The following TTN variants were observed in gnomAD, a reference collection of about 807,000 sequenced individuals.
The protein encoded by TTN is titin.
Under a neutral mutation model 3,223.0 loss-of-function variants are expected in TTN, and 1,525 were observed. That is an observed-to-expected ratio of 0.47 (90% confidence interval 0.45 to 0.49). TTN has a LOEUF of 0.49. Among genes scored for constraint, TTN ranks in the 20% least tolerant of loss-of-function variants. The pLI, the probability that TTN is intolerant of heterozygous loss-of-function variation, is 0.00. For synonymous variants in TTN, 14,094 were observed against 15,161.0 expected (o/e 0.93, Z 5.17); for missense variants, 40,786 against 43,424.0 (o/e 0.94, Z 5.40).
chr2:178,804,006 T>G (rs1215804254), intron 2 of TTN, among the ~76,000 whole-genome samples: 1 of 152,244 alleles, frequency 6.6e-6, no homozygotes, highest in African/African-American at 2.4e-5. Flanking sequence ...TGGAAAGTCT[T>G]TTAATTCATT....
intron 60 of TTN, 22 bp from the exon 61 acceptor site, chr2:178,730,814 A>C: frequency 6.5e-7 from 1 of 1,547,150 alleles, no homozygotes; most frequent in African/African-American, 1.4e-5. Context: ...AAAAGCAAAC[A>C]ACAACAAAAA....
Position 178,546,322 on chromosome 2 carries a change from C to T in TTN, c.95009G>A (p.Arg31670Gln), listed in dbSNP as rs750410616. 8.7e-6 allele frequency: 14 copies of T among 1,613,832 alleles called. No homozygotes were observed. The Admixed American group carries it at 1.3e-4, about 15-fold the overall frequency. ...ACAGAACTTGATCACAGCAGTTGCT[C>T]GTTTGCCAGTATACTGCAAAGAGAC... ...EKVSLQYTGK[R>Q]ATAVIKFCDR... Residue 31670 changes from arginine (R) to glutamine (Q), a missense_variant, in exon 342 of 363, where the codon CGA (arginine) becomes CAA (glutamine). By Grantham distance (43) the Arg-to-Gln change is conservative. Transcript: ENST00000589042.
chr2:178,770,203 T>C lies in TTN; in HGVS notation c.8498A>G (p.Glu2833Gly). Residue 2833 changes from glutamate (E) to glycine (G), a missense_variant, in exon 36 of 363, where the codon GAA (glutamate) becomes GGA (glycine). Glu to Gly is a moderately conservative substitution (Grantham distance 98). Transcript: ENST00000589042. ...TCTGTGTTTGTCACTTGGCTTAATT[T>C]CCACACTCTTATGGAACCATTTTAC... is the stretch of plus-strand genomic sequence containing the variant. ...VPVKWFHKSV[E>G]IKPSDKHRLV... 6.2e-7 allele frequency: 1 copy of C among 1,614,134 alleles called. No individual in the cohort carries two copies. Among genetic ancestry groups the C allele is most frequent in the Non-Finnish European group, 8.5e-7 (1 of 1,180,010 alleles).
rs367653049 is a variant in TTN at position 178,775,158 on chromosome 2, C to G, written c.6553G>C (p.Ala2185Pro). ...TFTQELQDVV[A>P]KEKDTMATFE... Reference sequence around the variant, plus strand: ...GTTGCCATAGTGTCTTTTTCCTTAGCAACAACATCTTGTAATTCCTGTGTG... The same window carrying G: ...GTTGCCATAGTGTCTTTTTCCTTAGGAACAACATCTTGTAATTCCTGTGTG... The change falls in exon 29 of 363, where the codon GCT becomes CCT. Residue 2185 changes from alanine (A) to proline (P), a missense_variant. By Grantham distance (27) the Ala-to-Pro change is conservative. Transcript: ENST00000589042. 6.2e-7 allele frequency: 1 copy of G among 1,613,762 alleles called. No homozygotes were observed. Among genetic ancestry groups the G allele is most frequent in the Non-Finnish European group, 8.5e-7 (1 of 1,179,960 alleles).
chr2:178,771,140 G>C, intron 34 of TTN, 71 bp downstream of exon 34: 2 of 1,607,054 alleles, frequency 1.2e-6, no homozygotes, highest in Non-Finnish European at 1.7e-6. Flanking sequence ...TGGCCATATC[G>C]TTTGTCTTTT....
chr2:178,562,811 G>T lies in TTN; in HGVS notation c.83321C>A (p.Thr27774Asn). The change falls in exon 326 of 363, where the codon ACC (threonine) becomes AAC (asparagine). Residue 27774 changes from threonine (T) to asparagine (N), a missense_variant. Thr to Asn is a moderately conservative substitution (Grantham distance 65). Coordinates refer to ENST00000589042, the MANE Select transcript of TTN (RefSeq NM_001267550.2). Reference sequence around the variant, plus strand: ...TGAGTCTTTCTTCACTTCTCTTATGGTCAAATTCACAGGGGCACTTGGTGA... The same window carrying T: ...TGAGTCTTTCTTCACTTCTCTTATGTTCAAATTCACAGGGGCACTTGGTGA... The part of the protein sequence containing the change: ...LDSPSAPVNL[T>N]IREVKKDSVT... The T allele has an allele frequency of 1.2e-6, 2 of 1,612,982 alleles. No individual in the cohort carries two copies. The highest frequency in any genetic ancestry group is 1.7e-6 in the Non-Finnish European group (2 of 1,179,500).
chr2:178,713,880 C>T lies in TTN; in HGVS notation c.26761+17G>A. 1 of 1,608,962 alleles carries T rather than the reference C, an allele frequency of 6.2e-7. No individual in the cohort carries two copies. Among genetic ancestry groups the T allele is most frequent in the Non-Finnish European group, 8.5e-7 (1 of 1,177,004 alleles). ...ATTATTATAATGATGAAGGAAAAGC[C>T]CAAGAAATCAACCAACCTGAAACCT... is the stretch of plus-strand genomic sequence containing the variant. On this transcript the variant is annotated intron_variant, in intron 92 of 362. Coordinates refer to ENST00000589042, the MANE Select transcript of TTN (RefSeq NM_001267550.2).
At chr2:178,786,934 A>G (rs945678469) in intron 13 of TTN, among the ~76,000 whole-genome samples, 4 of 152,192 alleles carry the variant, frequency 2.6e-5, no homozygotes, top group Non-Finnish European at 1.5e-5. Context: ...ATGAACATTA[A>G]TGGAAATACA....
At chr2:178,736,631 T>C (rs2081488760) in intron 49 of TTN, among the ~76,000 whole-genome samples, 1 of 152,202 alleles carries the variant, frequency 6.6e-6, no homozygotes, top group Non-Finnish European at 1.5e-5. Flanking sequence ...TTCTGCATCT[T>C]GAAGCCAGAC....
At position 178,533,408 on chromosome 2, in the gene TTN, G is replaced by C. The variant is rs773892755; in HGVS notation, c.103207C>G (p.Leu34403Val). 6.2e-7 allele frequency: 1 copy of C among 1,613,834 alleles called. No individual in the cohort carries two copies. The highest frequency in any genetic ancestry group is 1.1e-5 in the South Asian group (1 of 91,084). ...ATTTCAATGTTAGGCCCGAGGGACA[G>C]TGGCTGACCATCTTTCTCCCATTTT... The part of the protein sequence containing the change: ...TLKWEKDGQP[L>V]SLGPNIEIIH... The change falls in exon 358 of 363, where the codon CTG becomes GTG. Residue 34403 changes from leucine to valine, a missense_variant. Transcript: ENST00000589042.
Position 178,677,884 on chromosome 2 carries a change from A to G in TTN, c.34028T>C (p.Val11343Ala), listed in dbSNP as rs879120324. The G allele has an allele frequency of 3.1e-6, 5 of 1,609,350 alleles. No individual in the cohort carries two copies. The African/African-American group carries it at 6.7e-5, about 22-fold the overall frequency. The change falls in exon 146 of 363, where the codon GTA becomes GCA. Residue 11343 changes from valine (V) to alanine (A), a missense_variant. Coordinates refer to ENST00000589042, the MANE Select transcript of TTN (RefSeq NM_001267550.2). ...PKKREPVPVPVALPQEEEVLF... is the reference protein window; with the variant it reads ...PKKREPVPVPAALPQEEEVLF... The stretch of plus-strand genomic sequence containing the variant: ...AACTTCCTCTTCCTGAGGTAGAGCT[A>G]CAGGAACTGGAACTGGTTCACGTTT...
At chr2:178,689,704 C>A (rs2071832982) in intron 122 of TTN, 109 bp from the exon 123 acceptor site, 1 of 1,434,132 alleles carries the variant, frequency 7.0e-7, no homozygotes, top group Admixed American at 2.1e-5. Flanking sequence ...TCAGTTCTCA[C>A]CACAAAACAT....
At position 178,570,235 on chromosome 2, in the gene TTN, C is replaced by G. The variant is rs754354789; in HGVS notation, c.75897G>C (p.Lys25299Asn). 6 of 1,613,404 alleles carry G rather than the reference C, an allele frequency of 3.7e-6. No individual in the cohort carries two copies. In the South Asian group the frequency reaches 6.6e-5, roughly 18 times the overall value. Residue 25299 changes from lysine to asparagine, a missense_variant, in exon 326 of 363, where the codon AAG becomes AAC. Coordinates refer to ENST00000589042, the MANE Select transcript of TTN (RefSeq NM_001267550.2). The stretch of plus-strand genomic sequence containing the variant: ...GTGCATCTGGTACTACAAATGGATT[C>G]TTGGCAACTACTGGCTCAGATTCAA... ...EPLESEPVVA[K>N]NPFVVPDAPK...
intron 47 of TTN, chr2:178,745,898 G>A: frequency 6.2e-7 from 1 of 1,611,902 alleles, no homozygotes; most frequent in Non-Finnish European, 8.5e-7. Context: ...AAAACTGTCT[G>A]TGTAGTTGCT....
chr2:178,681,425 T>A lies in TTN; in HGVS notation c.33198A>T (p.Glu11066Asp). 1.2e-6 allele frequency: 2 copies of A among 1,612,372 alleles called. No individual in the cohort carries two copies. The highest frequency in any genetic ancestry group is 1.7e-6 in the Non-Finnish European group (2 of 1,179,038). ...AKVLKKAVPEEKVPVPIPKKL... is the reference protein window; with the variant it reads ...AKVLKKAVPEDKVPVPIPKKL... ...TCTTAGGAATGGGCACTGGTACTTT[T>A]TCTTCAGGGACAGCTTTCTTCAGCA... is the stretch of plus-strand genomic sequence containing the variant. The change falls in exon 137 of 363, where the codon GAA (glutamate) becomes GAT (aspartate). Residue 11066 changes from glutamate (E) to aspartate (D), a missense_variant. Coordinates refer to ENST00000589042, the MANE Select transcript of TTN (RefSeq NM_001267550.2).
At chr2:178,642,201 A>G (rs1419612114) in intron 219 of TTN, 36 bp downstream of exon 219, 1 of 1,522,512 alleles carries the variant, frequency 6.6e-7, no homozygotes, top group African/African-American at 1.4e-5. Context: ...TTTAAAATAT[A>G]CTTAACGCTG....
rs1349143268 is a variant in TTN, at chr2:178,605,018, T to G, written c.54159A>C (p.Ser18053=). 1 of 1,603,074 alleles carries G rather than the reference T, an allele frequency of 6.2e-7. No homozygotes were observed. The highest frequency in any genetic ancestry group is 1.1e-5 in the South Asian group (1 of 89,722). Reference sequence around the variant, plus strand: ...CTTCAACGTGAACATTTCGGAACACTGAGCCAAGGCGATTGGAAGCAGTAA... The same window carrying G: ...CTTCAACGTGAACATTTCGGAACACGGAGCCAAGGCGATTGGAAGCAGTAA... The part of the protein sequence containing the change: ...YTVTASNRLG[S]VFRNVHVEVY... The change falls in exon 280 of 363, where the codon TCA becomes TCC. Residue 18053 remains serine (S), a synonymous_variant. Coordinates refer to ENST00000589042, the MANE Select transcript of TTN (RefSeq NM_001267550.2).
At position 178,532,535 on chromosome 2, in the gene TTN, A is replaced by G. The variant is rs768203673; in HGVS notation, c.104080T>C (p.Ser34694Pro). The change falls in exon 358 of 363, where the codon TCA (serine) becomes CCA (proline). Residue 34694 changes from serine to proline, a missense_variant. By Grantham distance (74) the Ser-to-Pro change is moderately conservative. Transcript: ENST00000589042. Reference sequence around the variant, plus strand: ...TGTGGAGGGCTTCGACTTGGGGGTGAAGCTGAAAAACCTAACTCAAGCTCT... The same window carrying G: ...TGTGGAGGGCTTCGACTTGGGGGTGGAGCTGAAAAACCTAACTCAAGCTCT... ...EEELELGFSA[S>P]PPSRSPPHFE... The G allele has an allele frequency of 3.1e-6, 5 of 1,613,962 alleles. No individual in the cohort carries two copies. In the Admixed American group the frequency reaches 5.0e-5, roughly 16 times the overall value.
In TTN at chr2:178,587,659, A is replaced by G. The variant is rs1351844757; in HGVS notation, c.63650T>C (p.Val21217Ala). The part of the protein sequence containing the change: ...TWRKVGIDNV[V>A]RKGQVDLVDT... ...AACCAGATCAACTTGTCCTTTTCTGACCACATTATCAATGCCAACTTTTCG... is the reference window on the plus strand; with the variant it reads ...AACCAGATCAACTTGTCCTTTTCTGGCCACATTATCAATGCCAACTTTTCG... Residue 21217 changes from valine to alanine, a missense_variant, in exon 306 of 363, where the codon GTC (valine) becomes GCC (alanine). Physicochemically the swap from Val to Ala is moderately conservative, Grantham distance 64. Coordinates refer to ENST00000589042, the MANE Select transcript of TTN (RefSeq NM_001267550.2). 1.9e-6 allele frequency: 3 copies of G among 1,612,742 alleles called. No homozygotes were observed. The African/African-American group carries it at 4.0e-5, about 22-fold the overall frequency.
Sources: gnomAD v4.1 joint callset for allele counts (sites outside exome capture counted in the v4.1 genomes callset) on GRCh38, gnomAD v4.1.1 for gene constraint, MANE v1.5 for transcripts, NCBI Gene and HGNC (gene_info 2026-07-23, HGNC 2026-07-21) for gene names.